Variants in ASXL1 observed in about 807,000 individuals in gnomAD.
ASXL1 encodes ASXL transcriptional regulator 1.
ASXL1 carries 65 observed loss-of-function variants against 89.1 expected under a neutral mutation model. The observed-to-expected ratio is 0.73, with a 90% CI of 0.60 to 0.90. The LOEUF is 0.90. Among genes scored for constraint, ASXL1 ranks in the 40% least tolerant of loss-of-function variants. The pLI, the probability that ASXL1 is intolerant of heterozygous loss-of-function variation, is 0.00. For missense variants in ASXL1, 1,786 were observed against 1,942.9 expected (o/e 0.92, Z 1.52); for synonymous variants, 739 against 746.9 (o/e 0.99, Z 0.17).
intron 4 of ASXL1, among the ~76,000 whole-genome samples, chr20:32,374,464 A>T (rs992810285): frequency 5.3e-5 from 8 of 151,568 alleles, no homozygotes; most frequent in South Asian, 2.1e-4. Context: ...ATTAAAAAAA[A>T]TTTTTTTTAT....
At chr20:32,384,567 G>A (rs187823423) in intron 4 of ASXL1, among the ~76,000 whole-genome samples, 218 of 152,266 alleles carry the variant, frequency 1.4e-3, no homozygotes, top group African/African-American at 4.9e-3. Flanking sequence ...AATTCCCAAA[G>A]GACATCTCGA....
intron 4 of ASXL1, among the ~76,000 whole-genome samples, chr20:32,420,075 A>AT (rs1424323333): frequency 1.3e-5 from 2 of 151,722 alleles, no homozygotes; most frequent in African/African-American, 4.8e-5. Context: ...CAAATGTCAC[A>AT]ATGTGGCCAA....
At chr20:32,391,566 T>C (rs1220299786) in intron 4 of ASXL1, among the ~76,000 whole-genome samples, 6 of 152,216 alleles carry the variant, frequency 3.9e-5, no homozygotes, top group African/African-American at 1.4e-4. Context: ...TATAGCTCAC[T>C]GCAGCCTCGA....
At chr20:32,407,369 TA>T (rs1227668081) in intron 4 of ASXL1, among the ~76,000 whole-genome samples, 1 of 152,042 alleles carries the variant, frequency 6.6e-6, no homozygotes, top group Non-Finnish European at 1.5e-5. Flanking sequence ...AATTGAAATA[TA>T]TGTATACACA....
At chr20:32,412,030 A>G (rs767280915) in intron 4 of ASXL1, among the ~76,000 whole-genome samples, 40 of 152,058 alleles carry the variant, frequency 2.6e-4, no homozygotes, top group Admixed American at 2.6e-4. Context: ...GGCTTAGCTT[A>G]TATTTTCCCA....
chr20:32,396,546 A>G (rs1329251035), intron 4 of ASXL1, among the ~76,000 whole-genome samples: 2 of 152,104 alleles, frequency 1.3e-5, no homozygotes, highest in Non-Finnish European at 2.9e-5. Flanking sequence ...TTATATTCGT[A>G]ACATTCTTAG....
At chr20:32,364,410 G>T (rs778022788) in intron 1 of ASXL1, among the ~76,000 whole-genome samples, 13 of 149,218 alleles carry the variant, frequency 8.7e-5, no homozygotes, top group Non-Finnish European at 1.6e-4. Context: ...TAGAGACAGG[G>T]TTTCACCATG....
rs751772819 is a variant in ASXL1 at position 32,434,478 on chromosome 20, C to T, written c.1766C>T (p.Pro589Leu). 2 of 1,614,088 alleles carry T rather than the reference C, an allele frequency of 1.2e-6. No individual in the cohort carries two copies. Among genetic ancestry groups the T allele is most frequent in the South Asian group, 2.2e-5 (2 of 91,082 alleles). The change falls in exon 13 of 13, where the codon CCC (proline) becomes CTC (leucine). Residue 589 changes from proline (P) to leucine (L), a missense_variant. This residue lies in a region of ASXL1 where 1,418 missense variants were observed against 1,427.8 expected (regional missense o/e 0.99). Transcript: ENST00000375687. Reference sequence around the variant, plus strand: ...CCACCCTGGGTGGTTAAAGGTCAGCCCACTTACCAGATATGCCCCCGGATC... The same window carrying T: ...CCACCCTGGGTGGTTAAAGGTCAGCTCACTTACCAGATATGCCCCCGGATC... ...IKPPWVVKGQPTYQICPRIIP... is the reference protein window; with the variant it reads ...IKPPWVVKGQLTYQICPRIIP...
chr20:32,393,659 A>T (rs138727620), intron 4 of ASXL1, among the ~76,000 whole-genome samples: 1 of 151,510 alleles, frequency 6.6e-6, no homozygotes, highest in African/African-American at 2.4e-5. Flanking sequence ...TTTAGTAGAG[A>T]TGGGGTTTCA....
intron 1 of ASXL1, chr20:32,359,302 A>T: frequency 1.4e-6 from 1 of 702,574 alleles, no homozygotes; most frequent in South Asian, 1.5e-5. Flanking sequence ...CAAGGACGCC[A>T]ATGGCATGTT....
chr20:32,372,945 C>CT (rs71187111), intron 4 of ASXL1, among the ~76,000 whole-genome samples: 16,198 of 136,452 alleles, frequency 0.12, 1,668 homozygotes, highest in African/African-American at 0.27. Context: ...TTTTCTTTTT[C>CT]TTTTTTTTTT....
chr20:32,433,789 G>T lies in ASXL1; in HGVS notation c.1591G>T (p.Ala531Ser), dbSNP rs1964495687. The change falls in exon 12 of 13, where the codon GCC becomes TCC. Residue 531 changes from alanine to serine, a missense_variant. Physicochemically the swap from Ala to Ser is moderately conservative, Grantham distance 99 (BLOSUM62 1). Coordinates refer to ENST00000375687, the MANE Select transcript of ASXL1 (RefSeq NM_015338.6). Reference sequence around the variant, plus strand: ...GAAGAGGAAATCCTTTGAGCAGGCGGCCTCTGCATCCTTTCCCGAAAAGAA... The same window carrying T: ...GAAGAGGAAATCCTTTGAGCAGGCGTCCTCTGCATCCTTTCCCGAAAAGAA... ...DQKRKSFEQA[A>S]SASFPEKKPR... The T allele has an allele frequency of 6.2e-7, 1 of 1,614,090 alleles. No individual in the cohort carries two copies. Among genetic ancestry groups the T allele is most frequent in the African/African-American group, 1.3e-5 (1 of 74,934 alleles).
chr20:32,422,200 G>C (rs1291119339), intron 4 of ASXL1, among the ~76,000 whole-genome samples: 1 of 151,264 alleles, frequency 6.6e-6, no homozygotes, highest in East Asian at 1.9e-4. Context: ...TTTCAAATGG[G>C]GGTTGATTAG....
intron 1 of ASXL1, among the ~76,000 whole-genome samples, chr20:32,363,514 A>G (rs1275445855): frequency 6.6e-6 from 1 of 152,222 alleles, no homozygotes; most frequent in Non-Finnish European, 1.5e-5. Flanking sequence ...CAGTCATGAT[A>G]CGTGTTATCA....
chr20:32,387,556 T>C (rs1484580976), intron 4 of ASXL1, among the ~76,000 whole-genome samples: 1 of 152,224 alleles, frequency 6.6e-6, no homozygotes, highest in African/African-American at 2.4e-5. Context: ...TATCTCCTGA[T>C]GCACACTTTA....
At position 32,434,571 on chromosome 20, in the gene ASXL1, G is replaced by T; in HGVS notation, c.1859G>T (p.Arg620Leu). ...AGGACCCTCGCAGACATTAAAGCCC[G>T]TGCTCTGCAGGTCCGAGGGGCGAGA... Reference protein sequence around the residue: ...GARTLADIKARALQVRGARGH... With the variant: ...GARTLADIKALALQVRGARGH... The change falls in exon 13 of 13, where the codon CGT becomes CTT. Residue 620 changes from arginine to leucine, a missense_variant. Coordinates refer to ENST00000375687, the MANE Select transcript of ASXL1 (RefSeq NM_015338.6). The T allele has an allele frequency of 6.2e-7, 1 of 1,613,548 alleles. No homozygotes were observed. Among genetic ancestry groups the T allele is most frequent in the Non-Finnish European group, 8.5e-7 (1 of 1,179,998 alleles).
At position 32,362,670 on chromosome 20, in the gene ASXL1, A is replaced by C. The variant is rs372615812; in HGVS notation, c.58-3714A>C. 2.0e-5 allele frequency among the ~76,000 whole-genome samples: 3 copies of C among 152,154 alleles called. 1 individual carries two copies. Among genetic ancestry groups the C allele is most frequent in the East Asian group, 3.9e-4 (2 of 5,190 alleles). On this transcript the variant is annotated intron_variant, in intron 1 of 12. Transcript: ENST00000375687. ...CAAACAAACAAAACAACAACAACAA[A>C]AAAACCTTTCGTAGAGGAAAGAAGA...
intron 4 of ASXL1, among the ~76,000 whole-genome samples, chr20:32,376,158 T>C (rs914736649): frequency 1.3e-5 from 2 of 152,138 alleles, no homozygotes; most frequent in African/African-American, 4.8e-5. Context: ...AAGTTTTGCA[T>C]AGTGGTCGAC....
intron 4 of ASXL1, among the ~76,000 whole-genome samples, chr20:32,371,266 T>A (rs2048296455): frequency 6.6e-6 from 1 of 152,188 alleles, no homozygotes; most frequent in Non-Finnish European, 1.5e-5. Context: ...CTTAATTGCC[T>A]GTTAATGGCA....
Sources: allele counts gnomAD v4.1 joint callset (sites outside exome capture counted in the v4.1 genomes callset), GRCh38; gene constraint gnomAD v4.1.1; regional missense constraint gnomAD v4.1.1; transcripts MANE v1.5; gene names NCBI Gene and HGNC (gene_info 2026-07-23, HGNC 2026-07-21).